MCPH1: variants seen among roughly 807,000 people sequenced by gnomAD.
MCPH1 encodes the protein microcephalin 1.
MCPH1 carries 104 observed loss-of-function variants against 84.5 expected under a neutral mutation model. The ratio of observed to expected loss-of-function variants is 1.23; its 90% CI spans 1.05 to 1.45. The LOEUF is 1.45. Among genes scored for constraint, MCPH1 ranks in the 40% most tolerant of loss-of-function variants. MCPH1 has a pLI of 0.00. For synonymous variants in MCPH1, 514 were observed against 366.8 expected (o/e 1.40, Z -4.58); for missense variants, 1,498 against 1,005.7 (o/e 1.49, Z -6.62).
chr8:6,528,019 C>T (rs1818707578), intron 12 of MCPH1, among the ~76,000 whole-genome samples: 1 of 151,992 alleles, frequency 6.6e-6, no homozygotes, highest in Admixed American at 6.6e-5. Flanking sequence ...CCTCATTCTC[C>T]CCAGTAGCTG....
rs746566577 is a variant in MCPH1, at chr8:6,444,598, G to C, written c.876G>C (p.Leu292=). The C allele has an allele frequency of 1.2e-6, 2 of 1,614,144 alleles. No individual in the cohort carries two copies. The highest frequency in any genetic ancestry group is 1.7e-6 in the Non-Finnish European group (2 of 1,180,018). The change falls in exon 8 of 14, where the codon CTG becomes CTC. Residue 292 remains leucine (L), a synonymous_variant. Coordinates refer to ENST00000344683, the MANE Select transcript of MCPH1 (RefSeq NM_024596.5). The part of the protein sequence containing the change: ...HLDKSSPQKF[L]SNLSKEEINL... ...ATAAATCAAGTCCTCAGAAATTTCT[G>C]AGTAATCTTTCAAAGGAAGAAATAA...
chr8:6,459,553 G>A (rs1343622993), intron 9 of MCPH1, among the ~76,000 whole-genome samples: 1 of 152,168 alleles, frequency 6.6e-6, no homozygotes, highest in East Asian at 1.9e-4. Flanking sequence ...AGAGTTTACA[G>A]GAAATATCTT....
intron 11 of MCPH1, among the ~76,000 whole-genome samples, chr8:6,495,024 T>G (rs1002183846): frequency 6.6e-5 from 10 of 152,216 alleles, no homozygotes; most frequent in African/African-American, 2.2e-4. Context: ...CTTGATGTTA[T>G]GAGATGTGTT....
intron 13 of MCPH1, among the ~76,000 whole-genome samples, chr8:6,627,643 C>T (rs960641111): frequency 6.6e-6 from 1 of 152,192 alleles, no homozygotes; most frequent in African/African-American, 2.4e-5. Context: ...ATAATCCCAG[C>T]ACTTTAGGAG....
At chr8:6,502,532 G>C (rs776327652) in intron 12 of MCPH1, 2 of 152,194 alleles carry the variant, frequency 1.3e-5, no homozygotes, top group Admixed American at 6.5e-5. Flanking sequence ...AAGCACCTAA[G>C]AGATGGAGTA....
At chr8:6,577,989 G>C (rs113920028) in intron 12 of MCPH1, among the ~76,000 whole-genome samples, 20 of 152,312 alleles carry the variant, frequency 1.3e-4, no homozygotes, top group African/African-American at 3.6e-4. Context: ...GTGAGACAGC[G>C]GGATGTCCTG....
In MCPH1 at chr8:6,415,295, C is replaced by CTTTTTTT. The variant is rs55718615; in HGVS notation, c.233+416_233+422dup. Among the ~76,000 whole-genome samples, 624 of 145,232 alleles carry CTTTTTTT rather than the reference C, an allele frequency of 4.3e-3. 11 individuals are homozygous for CTTTTTTT. Among genetic ancestry groups the CTTTTTTT allele is most frequent in the African/African-American group, 0.014 (536 of 38,744 alleles). ...AAGTTGTCAACAGGGTTGGTATCTTCTTTTTTTTTTGAGACAAAGTCTTGC... is the reference window on the plus strand; with the variant it reads ...AAGTTGTCAACAGGGTTGGTATCTTCTTTTTTTTTTTTTTTTTGAGACAAAGTCTTGC... On this transcript the variant is annotated intron_variant, in intron 3 of 13. Coordinates refer to ENST00000344683, the MANE Select transcript of MCPH1 (RefSeq NM_024596.5).
intron 12 of MCPH1, among the ~76,000 whole-genome samples, chr8:6,538,550 T>C (rs1418501041): frequency 6.6e-6 from 1 of 152,202 alleles, no homozygotes; most frequent in African/African-American, 2.4e-5. Flanking sequence ...GGGCGCGCAC[T>C]GTCCTTGGCT....
intron 12 of MCPH1, among the ~76,000 whole-genome samples, chr8:6,547,125 G>A (rs1822743491): frequency 6.6e-6 from 1 of 151,370 alleles, no homozygotes; most frequent in Admixed American, 6.6e-5. Context: ...AAACTCATGT[G>A]GCCTATTTCT....
intron 12 of MCPH1, among the ~76,000 whole-genome samples, chr8:6,550,583 C>T (rs1823466181): frequency 1.3e-5 from 2 of 152,258 alleles, no homozygotes; most frequent in South Asian, 4.1e-4. Flanking sequence ...TCTGGTGTGA[C>T]AGCTGTGGGC....
chr8:6,640,611 TAA>T (rs1042319550), intron 13 of MCPH1, among the ~76,000 whole-genome samples: 1 of 152,210 alleles, frequency 6.6e-6, no homozygotes, highest in Non-Finnish European at 1.5e-5. Context: ...TGTTGTGTTA[TAA>T]AACTCTGTCT....
intron 11 of MCPH1, among the ~76,000 whole-genome samples, chr8:6,488,432 G>C (rs1328362037): frequency 6.6e-6 from 1 of 152,250 alleles, no homozygotes; most frequent in Non-Finnish European, 1.5e-5. Flanking sequence ...AAGTTTGAAA[G>C]AGTCAAAGTG....
rs142236993 is a variant in MCPH1, at chr8:6,532,307, G to A, written c.2214+32378G>A. The A allele has an allele frequency of 2.7e-5, 43 of 1,613,604 alleles. 1 individual carries two copies. In the South Asian group the frequency reaches 4.1e-4, roughly 15 times the overall value. On this transcript the variant is annotated intron_variant, in intron 12 of 13. Transcript: ENST00000344683. ...GCTAGTCTCTAGCTGCAGGGACACC[G>A]TGTGCTTTATGTGGCATTACTTACT...
At chr8:6,450,263 A>G (rs1804945808) in intron 8 of MCPH1, among the ~76,000 whole-genome samples, 1 of 152,012 alleles carries the variant, frequency 6.6e-6, no homozygotes, top group South Asian at 2.1e-4. Flanking sequence ...TTAAACATTT[A>G]TTGGCAAGCA....
chr8:6,409,638 C>T (rs1798262122), intron 2 of MCPH1, among the ~76,000 whole-genome samples: 1 of 151,924 alleles, frequency 6.6e-6, no homozygotes, highest in South Asian at 2.1e-4. Flanking sequence ...TGCTATTAAG[C>T]AAAGTGAGGA....
At chr8:6,631,611 GAGAT>G (rs1176779692) in intron 13 of MCPH1, among the ~76,000 whole-genome samples, 1 of 150,980 alleles carries the variant, frequency 6.6e-6, no homozygotes, top group Non-Finnish European at 1.5e-5. Flanking sequence ...AAACCACAAT[GAGAT>G]AGCACCTCAG....
intron 3 of MCPH1, among the ~76,000 whole-genome samples, chr8:6,417,612 T>C (rs60375558): frequency 0.053 from 8,139 of 152,280 alleles, 469 homozygotes; most frequent in African/African-American, 0.15. Context: ...TTATTTGAGA[T>C]ATTTTTGATT....
chr8:6,604,381 C>A (rs1281522742), intron 12 of MCPH1, among the ~76,000 whole-genome samples: 1 of 152,228 alleles, frequency 6.6e-6, no homozygotes, highest in Non-Finnish European at 1.5e-5. Flanking sequence ...TTGTAGACTC[C>A]ACTACCCTAA....
intron 12 of MCPH1, among the ~76,000 whole-genome samples, chr8:6,540,613 GAT>G (rs1204949335): frequency 2.0e-5 from 3 of 152,228 alleles, no homozygotes; most frequent in Non-Finnish European, 4.4e-5. Context: ...TGCATATATA[GAT>G]ATATACACAG....
Sources: allele counts gnomAD v4.1 joint callset (sites outside exome capture counted in the v4.1 genomes callset), GRCh38; gene constraint gnomAD v4.1.1; transcripts MANE v1.5; gene names NCBI Gene and HGNC (gene_info 2026-07-23, HGNC 2026-07-21).